BCORL1: variants seen among roughly 807,000 people sequenced by gnomAD.
BCORL1 encodes BCL6 corepressor like 1, also known as BCL-6 corepressor-like protein 1.
Under a neutral mutation model 87.6 loss-of-function variants are expected in BCORL1, and 7 were observed. The observed-to-expected ratio is 0.08, with a 90% confidence interval of 0.05 to 0.15. BCORL1 has a LOEUF of 0.15. BCORL1 is among the 10% of genes least tolerant of loss of function. The pLI is 1.00. For missense variants in BCORL1, 1,215 were observed against 1,499.7 expected (o/e 0.81, Z 3.13); for synonymous variants, 591 against 634.4 (o/e 0.93, Z 1.03).
chrX:130,036,052 G>A (rs1281549839), intron 9 of BCORL1, among the ~76,000 whole-genome samples: 1 of 112,551 alleles, frequency 8.9e-6, no homozygotes, highest in Non-Finnish European at 1.9e-5. Context: ...AGAGAGGACT[G>A]GCAATGGTGC....
At position 130,014,552 on chromosome X, in the gene BCORL1, A is replaced by G. The variant is rs747607489; in HGVS notation, c.1780A>G (p.Thr594Ala). Residue 594 changes from threonine to alanine, a missense_variant, in exon 4 of 14, where the codon ACT becomes GCT. Transcript: ENST00000540052. ...PSGTEQQTEG[T>A]SVTFSPLKSP... Reference sequence around the variant, plus strand: ...TGGCACCGAGCAGCAAACAGAAGGGACTTCCGTTACCTTCTCTCCTCTTAA... The same window carrying G: ...TGGCACCGAGCAGCAAACAGAAGGGGCTTCCGTTACCTTCTCTCCTCTTAA... 5.8e-6 allele frequency: 7 copies of G among 1,209,346 alleles called. No homozygotes were observed. Among genetic ancestry groups the G allele is most frequent in the Non-Finnish European group, 7.8e-6 (7 of 894,981 alleles).
At chrX:130,052,201 G>A (rs1052272233) in intron 13 of BCORL1, among the ~76,000 whole-genome samples, 185 bp downstream of exon 13, 3 of 112,547 alleles carry the variant, frequency 2.7e-5, no homozygotes, top group African/African-American at 9.7e-5. Context: ...CATGGACATT[G>A]ACTATCTGCA....
At chrX:129,991,207 C>T (rs987078828) in intron 1 of BCORL1, among the ~76,000 whole-genome samples, 2 of 111,650 alleles carry the variant, frequency 1.8e-5, no homozygotes, top group African/African-American at 6.5e-5. Flanking sequence ...ACCTCCTTCT[C>T]CTTGTTTCAA....
rs764529465 is a variant in BCORL1, at chrX:130,015,365, G to A, written c.2593G>A (p.Val865Ile). Residue 865 changes from valine to isoleucine, a missense_variant, in exon 4 of 14, where the codon GTT (valine) becomes ATT (isoleucine). Val to Ile is a conservative substitution (Grantham distance 29). Coordinates refer to ENST00000540052, the MANE Select transcript of BCORL1 (RefSeq NM_001379451.1). The part of the protein sequence containing the change: ...SQGAPIRPTS[V>I]VSEFSGVPSL... ...GGGGGCGCCCATCAGGCCCACCAGC[G>A]TTGTTTCGGAGTTTTCTGGTGTGCC... 1.8e-5 allele frequency: 22 copies of A among 1,210,826 alleles called. No homozygotes were observed. Among genetic ancestry groups the A allele is most frequent in the East Asian group, 3.0e-5 (1 of 33,793 alleles).
At chrX:130,044,512 A>AT (rs35777435) in intron 11 of BCORL1, among the ~76,000 whole-genome samples, 95 of 101,341 alleles carry the variant, frequency 9.4e-4, no homozygotes, top group South Asian at 8.6e-4. Flanking sequence ...TTTTTCTTTA[A>AT]TTTTTTTTTT....
chrX:130,036,742 A>G (rs1042777948), intron 9 of BCORL1, among the ~76,000 whole-genome samples: 1 of 112,364 alleles, frequency 8.9e-6, no homozygotes. Flanking sequence ...CTGGCTTGCC[A>G]AGCTCAGGGA....
At chrX:130,043,049 T>C (rs773566419) in intron 11 of BCORL1, among the ~76,000 whole-genome samples, 4 of 107,665 alleles carry the variant, frequency 3.7e-5, no homozygotes, top group East Asian at 2.9e-4. Flanking sequence ...TTTTTTTTTT[T>C]CCTGAGACAA....
At chrX:130,044,126 ATCTCTTG>A (rs1931587214) in intron 11 of BCORL1, among the ~76,000 whole-genome samples, 1 of 104,913 alleles carries the variant, frequency 9.5e-6, no homozygotes, top group African/African-American at 3.5e-5. Context: ...GATGGTCTTG[ATCTCTTG>A]ACTCTCGTGA....
At chrX:130,020,956 C>A (rs377533588) in intron 4 of BCORL1, 29 bp from the exon 5 acceptor site, 1 of 1,137,645 alleles carries the variant, frequency 8.8e-7, no homozygotes, top group African/African-American at 1.9e-5. Context: ...CAAAACTGAC[C>A]TCAGACCTGA....
intron 1 of BCORL1, among the ~76,000 whole-genome samples, chrX:130,000,896 T>TTGTGTGTGTGTG (rs61288678): frequency 1.0e-5 from 1 of 98,221 alleles, no homozygotes; most frequent in Non-Finnish European, 2.1e-5. Flanking sequence ...GGTGGATGCT[T>TTGTGTGTGTGTG]TGTGTGTGTG....
At chrX:130,024,843 G>A in intron 6 of BCORL1, 147 bp from the exon 7 acceptor site, 2 of 836,497 alleles carry the variant, frequency 2.4e-6, no homozygotes, top group Non-Finnish European at 3.4e-6. Context: ...TGCACTGAAG[G>A]AACTTTCCCG....
chrX:130,038,485 C>CTTT (rs373182779), intron 10 of BCORL1, among the ~76,000 whole-genome samples: 1 of 99,838 alleles, frequency 1.0e-5, no homozygotes, highest in African/African-American at 3.7e-5. Flanking sequence ...TTGCCCCCAC[C>CTTT]TTTTTTTTTT....
At chrX:130,004,551 C>T (rs1431707118) in intron 1 of BCORL1, among the ~76,000 whole-genome samples, 11 of 111,942 alleles carry the variant, frequency 9.8e-5, no homozygotes, top group Admixed American at 5.7e-4. Context: ...TGCCGAAACA[C>T]GTAGTTCTGG....
chrX:130,035,956 C>G (rs939899925), intron 9 of BCORL1, among the ~76,000 whole-genome samples: 3 of 112,944 alleles, frequency 2.7e-5, no homozygotes, highest in Non-Finnish European at 3.8e-5. Flanking sequence ...GCACCCCTGA[C>G]ACAGGCTGCA....
At chrX:129,988,214 T>C (rs768431275) in intron 1 of BCORL1, among the ~76,000 whole-genome samples, 153 of 111,827 alleles carry the variant, frequency 1.4e-3, no homozygotes, top group Non-Finnish European at 2.5e-3. Context: ...TTTTGAATGG[T>C]TATCCTTAAA....
rs753619576 is a variant in BCORL1, at chrX:130,036,605, C to G, written c.4528-762C>G. On this transcript the variant is annotated intron_variant, in intron 9 of 13. Transcript: ENST00000540052. ...GAGGGGAGGGCTAGAACTGACTGTC[C>G]TGGCTTGAACATTGGTCCTGCCGAG... Among the ~76,000 whole-genome samples the G allele has an allele frequency of 3.5e-5, 4 of 112,678 alleles. No homozygotes were observed. The East Asian group carries it at 1.1e-3, about 31-fold the overall frequency.
chrX:130,038,987 G>A, intron 10 of BCORL1, 150 bp from the exon 11 acceptor site: 1 of 538,248 alleles, frequency 1.9e-6, no homozygotes, highest in Non-Finnish European at 3.0e-6. Context: ...CAAGGCTACA[G>A]GTGGTTCCCT....
rs1334018577 is a variant in BCORL1, at chrX:130,013,971, C to T, written c.1199C>T (p.Ala400Val). The T allele has an allele frequency of 8.3e-7, 1 of 1,206,039 alleles. No individual in the cohort carries two copies. The highest frequency in any genetic ancestry group is 2.2e-5 in the Admixed American group (1 of 45,386). ...CCAGCCCCTACACCCATGCCTGCTG[C>T]CACGCCAGCTGCCATTCCCACCTCT... ...FTPAPTPMPA[A>V]TPAAIPTSAP... The change falls in exon 4 of 14, where the codon GCC (alanine) becomes GTC (valine). Residue 400 changes from alanine (A) to valine (V), a missense_variant. Physicochemically the swap from Ala to Val is moderately conservative, Grantham distance 64 (BLOSUM62 0). This residue lies in a region of BCORL1 where 861 missense variants were observed against 1,010.0 expected (regional missense o/e 0.85). Coordinates refer to ENST00000540052, the MANE Select transcript of BCORL1 (RefSeq NM_001379451.1).
chrX:130,036,827 C>T (rs1930976977), intron 9 of BCORL1, among the ~76,000 whole-genome samples: 1 of 111,504 alleles, frequency 9.0e-6, no homozygotes, highest in African/African-American at 3.3e-5. Context: ...TACCACCACC[C>T]AGATGAGTGT....
Sources: gnomAD v4.1 joint callset for allele counts (sites outside exome capture counted in the v4.1 genomes callset) on GRCh38, gnomAD v4.1.1 for gene constraint, gnomAD v4.1.1 regional missense constraint, MANE v1.5 for transcripts, NCBI Gene and HGNC (gene_info 2026-07-23, HGNC 2026-07-21) for gene names.